L3MBTL4: variants seen among roughly 807,000 people sequenced by gnomAD.
L3MBTL4 encodes L3MBTL histone methyl-lysine binding protein 4.
Under a neutral mutation model 84.5 loss-of-function variants are expected in L3MBTL4, and 70 were observed. That is an observed-to-expected ratio of 0.83 (90% CI 0.68 to 1.01). L3MBTL4 has a LOEUF of 1.01. Among genes scored for constraint, L3MBTL4 ranks in the 50% least tolerant of loss-of-function variants. The pLI, the probability that L3MBTL4 is intolerant of heterozygous loss-of-function variation, is 0.00. For missense variants in L3MBTL4, 715 were observed against 754.8 expected, an observed-to-expected ratio of 0.95 and a Z score of 0.62; for synonymous variants, 274 against 259.8, an observed-to-expected ratio of 1.05 and a Z score of -0.52.
intron 3 of L3MBTL4, among the ~76,000 whole-genome samples, chr18:6,302,990 C>CA (rs142760512): frequency 0.2 from 29,260 of 148,584 alleles, 2,988 homozygotes; most frequent in African/African-American, 0.25. Context: ...GATTCTGTCT[C>CA]AAAAAAAAAA....
intron 12 of L3MBTL4, among the ~76,000 whole-genome samples, chr18:6,178,049 T>C (rs1233581389): frequency 6.6e-6 from 1 of 152,064 alleles, no homozygotes; most frequent in Non-Finnish European, 1.5e-5. Context: ...TTAACTATTG[T>C]GGTGGACCTG....
At chr18:6,006,806 G>GA (rs1338413427) in intron 16 of L3MBTL4, among the ~76,000 whole-genome samples, 1 of 152,168 alleles carries the variant, frequency 6.6e-6, no homozygotes, top group African/African-American at 2.4e-5. Context: ...AGTATTTATG[G>GA]AAATTTAGTA....
At chr18:6,077,631 A>G (rs1325367061) in intron 16 of L3MBTL4, among the ~76,000 whole-genome samples, 2 of 152,074 alleles carry the variant, frequency 1.3e-5, no homozygotes, top group East Asian at 1.9e-4. Flanking sequence ...GTGTGCATCT[A>G]TACATGTGTG....
At chr18:6,067,145 A>G (rs2145938498) in intron 16 of L3MBTL4, among the ~76,000 whole-genome samples, 1 of 152,304 alleles carries the variant, frequency 6.6e-6, no homozygotes, top group South Asian at 2.1e-4. Context: ...TCTGGCTTGT[A>G]GGGTTTCTGC....
At chr18:6,251,328 T>C (rs2047914121) in intron 5 of L3MBTL4, among the ~76,000 whole-genome samples, 1 of 152,254 alleles carries the variant, frequency 6.6e-6, no homozygotes, top group Non-Finnish European at 1.5e-5. Flanking sequence ...CACTTGCTGT[T>C]GTAGCCAGAA....
intron 16 of L3MBTL4, among the ~76,000 whole-genome samples, chr18:6,001,995 A>G (rs2054237022): frequency 6.6e-6 from 1 of 152,206 alleles, no homozygotes; most frequent in Admixed American, 6.5e-5. Context: ...GAGACATACT[A>G]TAATCGAACT....
intron 12 of L3MBTL4, among the ~76,000 whole-genome samples, chr18:6,190,982 C>T (rs1355011717): frequency 3.3e-5 from 5 of 151,810 alleles, no homozygotes; most frequent in Non-Finnish European, 7.4e-5. Flanking sequence ...TGGGAAAAGG[C>T]GGTAAGAGTT....
At chr18:6,327,877 G>C (rs2051813108) in intron 1 of L3MBTL4, among the ~76,000 whole-genome samples, 1 of 152,154 alleles carries the variant, frequency 6.6e-6, no homozygotes, top group Admixed American at 6.5e-5. Context: ...TTTCTTTAGA[G>C]GTCTCATTTG....
chr18:6,394,404 G>A (rs2055187779), intron 1 of L3MBTL4, among the ~76,000 whole-genome samples: 1 of 152,098 alleles, frequency 6.6e-6, no homozygotes, highest in Non-Finnish European at 1.5e-5. Context: ...GGAGGTGGAG[G>A]TTGCAGTGAG....
chr18:6,278,592 T>C (rs1315056421), intron 4 of L3MBTL4, among the ~76,000 whole-genome samples: 1 of 152,236 alleles, frequency 6.6e-6, no homozygotes, highest in Non-Finnish European at 1.5e-5. Flanking sequence ...GTTTCATTTC[T>C]TGGCTTTACA....
chr18:6,306,898 C>A (rs865916655), intron 3 of L3MBTL4, among the ~76,000 whole-genome samples: 32 of 152,314 alleles, frequency 2.1e-4, no homozygotes, highest in African/African-American at 7.7e-4. Flanking sequence ...AAGAATAAAA[C>A]CTGAATCTCC....
At chr18:6,132,017 C>T (rs2059893664) in intron 14 of L3MBTL4, among the ~76,000 whole-genome samples, 1 of 152,066 alleles carries the variant, frequency 6.6e-6, no homozygotes, top group East Asian at 1.9e-4. Context: ...AGAGAGACAT[C>T]CCCAGCATTT....
chr18:6,041,049 T>C (rs979666664), intron 16 of L3MBTL4, among the ~76,000 whole-genome samples: 1 of 152,222 alleles, frequency 6.6e-6, no homozygotes, highest in African/African-American at 2.4e-5. Context: ...TTTTGACAGA[T>C]TCCCAATCAG....
intron 5 of L3MBTL4, among the ~76,000 whole-genome samples, chr18:6,255,779 CA>C (rs80253863): frequency 0.067 from 4,406 of 66,124 alleles, 126 homozygotes; most frequent in African/African-American, 0.15. Flanking sequence ...ATATAAAAGG[CA>C]AAAAAAAAAA....
chr18:6,213,148 C>A lies in L3MBTL4; in HGVS notation c.981+1G>T. ...ATAACATAATAATTTAAAATATGTA[C>A]CTTTACTCTTTGGTCATCAACATCT... is the stretch of plus-strand genomic sequence containing the variant. On this transcript the variant is annotated splice_donor_variant, in intron 12 of 18. Transcript: ENST00000317931. LOFTEE classifies it high-confidence loss of function. The A allele has an allele frequency of 6.5e-7, 1 of 1,528,490 alleles. No homozygotes were observed. Among genetic ancestry groups the A allele is most frequent in the Middle Eastern group, 1.7e-4 (1 of 5,830 alleles). 94.7% of individuals were successfully genotyped at this position (1,528,490 alleles called of 1,614,324 possible). A position where few individuals can be genotyped will look rare whatever the true frequency, so the allele number is the denominator to read the frequency against.
At chr18:6,353,238 G>C (rs1169546257) in intron 1 of L3MBTL4, among the ~76,000 whole-genome samples, 1 of 150,932 alleles carries the variant, frequency 6.6e-6, no homozygotes, top group Non-Finnish European at 1.5e-5. Flanking sequence ...CAGTTCATGA[G>C]GTAGCTCTAA....
chr18:6,192,088 T>A (rs1396874086), intron 12 of L3MBTL4, among the ~76,000 whole-genome samples: 1 of 150,076 alleles, frequency 6.7e-6, no homozygotes, highest in Non-Finnish European at 1.5e-5. Context: ...AGAAGGTGTG[T>A]GAGAAGGAGC....
At chr18:6,029,651 C>A (rs1224425757) in intron 16 of L3MBTL4, 1 of 985,076 alleles carries the variant, frequency 1.0e-6, no homozygotes, top group East Asian at 1.1e-4. Flanking sequence ...AATTACAGGA[C>A]AGGAAATATT....
intron 14 of L3MBTL4, among the ~76,000 whole-genome samples, chr18:6,128,953 G>A (rs1038025813): frequency 6.6e-6 from 1 of 152,006 alleles, no homozygotes; most frequent in Non-Finnish European, 1.5e-5. Flanking sequence ...AAGCCAAATG[G>A]AGAAGTTTGT....
Sources: gnomAD v4.1 joint callset for allele counts (sites outside exome capture counted in the v4.1 genomes callset) on GRCh38, gnomAD v4.1.1 for gene constraint, MANE v1.5 for transcripts, NCBI Gene and HGNC (gene_info 2026-07-23, HGNC 2026-07-21) for gene names.